TANGO6: variants seen among roughly 807,000 people sequenced by gnomAD.
TANGO6 encodes transport and golgi organization 6 homolog, also known as transport and Golgi organization protein 6 homolog.
TANGO6 carries 90 observed loss-of-function variants against 114.2 expected under a neutral mutation model. The ratio of observed to expected loss-of-function variants is 0.79; its 90% CI spans 0.66 to 0.94. The LOEUF (loss-of-function observed/expected upper bound fraction) is 0.94. Among genes scored for constraint, TANGO6 ranks in the 40% least tolerant of loss-of-function variants. TANGO6 has a pLI of 0.00. For synonymous variants in TANGO6, 477 were observed against 509.8 expected (o/e 0.94, Z 0.87); for missense variants, 1,274 against 1,315.3 (o/e 0.97, Z 0.49).
chr16:68,948,867 G>A (rs935583835), intron 14 of TANGO6, among the ~76,000 whole-genome samples: 2 of 152,146 alleles, frequency 1.3e-5, no homozygotes, highest in Non-Finnish European at 2.9e-5. Flanking sequence ...ATTGTTTTAG[G>A]AGCATTAGGA....
chr16:68,913,157 A>G (rs28736384), intron 11 of TANGO6, among the ~76,000 whole-genome samples: 7 of 151,414 alleles, frequency 4.6e-5, no homozygotes, highest in South Asian at 2.1e-4. Flanking sequence ...CTTCCACCCA[A>G]TGGGTTCAAG....
Position 68,907,428 on chromosome 16 carries a change from T to C in TANGO6, c.1668-15T>C, listed in dbSNP as rs901101735. 5 of 1,563,942 alleles carry C rather than the reference T, an allele frequency of 3.2e-6. No homozygotes were observed. The highest frequency in any genetic ancestry group is 2.1e-5 in the Admixed American group (1 of 47,156). On this transcript the variant is annotated splice_polypyrimidine_tract_variant and intron_variant, in intron 9 of 17. Transcript: ENST00000261778. ...CTGGTGACACTACCAAGATAAATTT[T>C]ACCCTGCATTGCAGTGATGAAGATG...
rs148570724 is a variant in TANGO6, at chr16:69,076,952, G to A, written c.3109-6533G>A. ...GCGGAGGTTGTAGTAAGCCAAGATCGCACCACTGAACTCCAGCCTGGGCGA... is the reference window on the plus strand; with the variant it reads ...GCGGAGGTTGTAGTAAGCCAAGATCACACCACTGAACTCCAGCCTGGGCGA... On this transcript the variant is annotated intron_variant, in intron 17 of 17. Coordinates refer to ENST00000261778, the MANE Select transcript of TANGO6 (RefSeq NM_024562.2). Among the ~76,000 whole-genome samples, 801 of 152,106 alleles carry A rather than the reference G, an allele frequency of 5.3e-3. 12 individuals are homozygous for A. The Middle Eastern group carries it at 0.086, about 16-fold the overall frequency.
chr16:69,061,737 GC>G (rs1422527188), intron 17 of TANGO6, among the ~76,000 whole-genome samples: 2 of 151,410 alleles, frequency 1.3e-5, no homozygotes, highest in South Asian at 2.1e-4. Flanking sequence ...TGCATTTCCG[GC>G]CGGGCGCGCG....
At chr16:68,899,826 T>C (rs1962759547) in intron 7 of TANGO6, among the ~76,000 whole-genome samples, 1 of 152,120 alleles carries the variant, frequency 6.6e-6, no homozygotes, top group South Asian at 2.1e-4. Context: ...GCTTGAATCC[T>C]GGCCTTAAAC....
chr16:69,034,412 C>A, intron 16 of TANGO6: 1 of 159,778 alleles, frequency 6.3e-6, no homozygotes. Flanking sequence ...GACCCCCAGC[C>A]TCTGGAAAGA....
At chr16:69,022,703 C>A (rs1191902225) in intron 15 of TANGO6, 125 bp from the exon 16 acceptor site, 9 of 960,848 alleles carry the variant, frequency 9.4e-6, no homozygotes, top group South Asian at 3.8e-5. Flanking sequence ...GACCCTGTCT[C>A]AAAAAAAAAA....
intron 9 of TANGO6, among the ~76,000 whole-genome samples, chr16:68,903,962 A>G (rs1191674561): frequency 6.6e-6 from 1 of 151,886 alleles, no homozygotes; most frequent in Non-Finnish European, 1.5e-5. Flanking sequence ...ACTCTATAAG[A>G]GCAGCTTGGA....
At chr16:69,013,894 G>C (rs1218163174) in intron 15 of TANGO6, among the ~76,000 whole-genome samples, 1 of 152,058 alleles carries the variant, frequency 6.6e-6, no homozygotes, top group Non-Finnish European at 1.5e-5. Context: ...CTGAGCTCAG[G>C]CAATCTGCCT....
chr16:69,023,061 TG>T, intron 16 of TANGO6, 82 bp downstream of exon 16: 2 of 1,414,496 alleles, frequency 1.4e-6, no homozygotes, highest in Non-Finnish European at 1.9e-6. Flanking sequence ...TCAGGAGACC[TG>T]GGCTCTTTTT....
At chr16:68,859,537 A>T (rs28754553) in intron 1 of TANGO6, among the ~76,000 whole-genome samples, 12,053 of 152,214 alleles carry the variant, frequency 0.079, 925 homozygotes, top group African/African-American at 0.2. Context: ...TGCATGTTCT[A>T]TGGTAAATGT....
At chr16:69,039,184 CA>C (rs940239641) in intron 16 of TANGO6, among the ~76,000 whole-genome samples, 37 of 144,978 alleles carry the variant, frequency 2.6e-4, no homozygotes, top group South Asian at 1.3e-3. Flanking sequence ...GACTCCATCT[CA>C]AAAAAAAAAA....
Position 68,843,621 on chromosome 16 carries a change from G to A in TANGO6, c.4G>A (p.Ala2Thr). M[A>T]ARQAVGSGAQ... ...AGCGTGGTGTTACACTCCAGTCATG[G>A]CGGCCCGACAGGCCGTGGGCAGCGG... The change falls in exon 1 of 18, where the codon GCG becomes ACG. Residue 2 changes from alanine to threonine, a missense_variant. Ala to Thr is a moderately conservative substitution (Grantham distance 58). Around this residue, in one of 5 missense-constraint regions of TANGO6, gnomAD observed 114 missense variants for 104.6 expected, o/e 1.09. Coordinates refer to ENST00000261778, the MANE Select transcript of TANGO6 (RefSeq NM_024562.2). The A allele has an allele frequency of 6.2e-7, 1 of 1,613,404 alleles. No individual in the cohort carries two copies.
At chr16:69,029,844 A>T (rs1398135513) in intron 16 of TANGO6, among the ~76,000 whole-genome samples, 1 of 152,182 alleles carries the variant, frequency 6.6e-6, no homozygotes, top group Non-Finnish European at 1.5e-5. Context: ...GTGGTGGCTC[A>T]CACCTGTAAT....
intron 14 of TANGO6, among the ~76,000 whole-genome samples, chr16:68,960,249 C>T (rs1006043245): frequency 6.7e-5 from 10 of 149,470 alleles, no homozygotes; most frequent in Admixed American, 6.0e-4. Context: ...CAGTAATTGC[C>T]GTTTTCTTTC....
Position 69,084,422 on chromosome 16 carries a change from A to C in TANGO6, c.*761A>C, listed in dbSNP as rs1470088288. 1 of 152,318 alleles carries C rather than the reference A, an allele frequency of 6.6e-6. No homozygotes were observed. Among genetic ancestry groups the C allele is most frequent in the African/African-American group, 2.4e-5 (1 of 41,450 alleles). The allele number at this position is 152,318 out of a possible 1,614,324, so 9.4% of individuals were successfully genotyped here. On this transcript the variant is annotated 3_prime_UTR_variant, in exon 18 of 18. Transcript: ENST00000261778. ...TTATCAGGAGAAAAGAACCACGAGC[A>C]TCCAGAGAGTTTACATCCTGCCTTC...
At chr16:68,945,440 A>T (rs1166463743) in intron 14 of TANGO6, among the ~76,000 whole-genome samples, 1 of 152,048 alleles carries the variant, frequency 6.6e-6, no homozygotes, top group Admixed American at 6.6e-5. Flanking sequence ...GTAGGGAATT[A>T]TACTTTTGGG....
chr16:68,931,072 C>T (rs1963233894), intron 14 of TANGO6, among the ~76,000 whole-genome samples: 1 of 152,294 alleles, frequency 6.6e-6, no homozygotes, highest in Middle Eastern at 3.4e-3. Context: ...CTCCACATCC[C>T]CTTTAACTTG....
At chr16:68,923,887 A>G (rs1374112911) in intron 12 of TANGO6, among the ~76,000 whole-genome samples, 1 of 152,166 alleles carries the variant, frequency 6.6e-6, no homozygotes, top group Admixed American at 6.5e-5. Context: ...CACTGCCCTC[A>G]CCCATAGTGA....
Sources: allele counts gnomAD v4.1 joint callset (sites outside exome capture counted in the v4.1 genomes callset), GRCh38; gene constraint gnomAD v4.1.1; regional missense constraint gnomAD v4.1.1; transcripts MANE v1.5; gene names NCBI Gene and HGNC (gene_info 2026-07-23, HGNC 2026-07-21).